ABTB2: variants seen among roughly 807,000 people sequenced by gnomAD.
The protein encoded by ABTB2 is ankyrin repeat and BTB/POZ domain-containing protein 2.
ABTB2 carries 56 observed loss-of-function variants against 104.1 expected under a neutral mutation model. The ratio of observed to expected loss-of-function variants is 0.54; its 90% confidence interval spans 0.43 to 0.67. The LOEUF (loss-of-function observed/expected upper bound fraction) is 0.67. ABTB2 is among the 30% of genes least tolerant of loss of function. The pLI is 0.00. For synonymous variants in ABTB2, 606 were observed against 608.2 expected, an observed-to-expected ratio of 1.00 and a Z score of 0.05; for missense variants, 1,279 against 1,407.7, an observed-to-expected ratio of 0.91 and a Z score of 1.46.
intron 14 of ABTB2, among the ~76,000 whole-genome samples, chr11:34,156,020 G>C (rs1240652994): frequency 6.6e-6 from 1 of 152,198 alleles, no homozygotes; most frequent in East Asian, 1.9e-4. Context: ...AGGCAGGTCA[G>C]ATCTTCCTGT....
intron 1 of ABTB2, among the ~76,000 whole-genome samples, chr11:34,239,740 C>T (rs1853889961): frequency 6.6e-6 from 1 of 152,148 alleles, no homozygotes; most frequent in South Asian, 2.1e-4. Context: ...TACCACAGTA[C>T]GAGGTAAGCC....
intron 1 of ABTB2, among the ~76,000 whole-genome samples, chr11:34,278,381 T>C (rs2133085196): frequency 6.6e-6 from 1 of 152,310 alleles, no homozygotes; most frequent in Admixed American, 6.5e-5. Context: ...GCCTTGAATA[T>C]GCAAATTGCA....
intron 3 of ABTB2, among the ~76,000 whole-genome samples, chr11:34,190,799 T>A (rs1393025061): frequency 6.6e-6 from 1 of 152,152 alleles, no homozygotes; most frequent in Non-Finnish European, 1.5e-5. Flanking sequence ...TTTTAGGAAA[T>A]GTCATGCTAC....
chr11:34,267,092 G>A (rs1590234916), intron 1 of ABTB2, among the ~76,000 whole-genome samples: 1 of 152,202 alleles, frequency 6.6e-6, no homozygotes, highest in Non-Finnish European at 1.5e-5. Context: ...AATGGACTCT[G>A]TTCAGAGAAA....
Position 34,164,771 on chromosome 11 carries a change from G to A in ABTB2, c.1903C>T (p.Leu635Phe), listed in dbSNP as rs2133009618. The A allele has an allele frequency of 6.4e-7, 1 of 1,571,910 alleles. No individual in the cohort carries two copies. Among genetic ancestry groups the A allele is most frequent in the East Asian group, 2.4e-5 (1 of 41,838 alleles). The change falls in exon 9 of 17, where the codon CTC becomes TTC. Residue 635 changes from leucine (L) to phenylalanine (F), a missense_variant. Transcript: ENST00000435224. ...LLLSRGADPL[L>F]SMLEAHGMGS... is the part of the protein sequence containing the mutation. ...ATGCCGTGGGCCTCCAGCATGCTGA[G>A]GAGGGGGTCGGCGCCTCGGCTCAGC...
At chr11:34,290,384 C>T (rs1854554126) in intron 1 of ABTB2, among the ~76,000 whole-genome samples, 1 of 152,218 alleles carries the variant, frequency 6.6e-6, no homozygotes, top group Non-Finnish European at 1.5e-5. Flanking sequence ...GCAGTCCATG[C>T]CAATCCCAGT....
intron 3 of ABTB2, among the ~76,000 whole-genome samples, chr11:34,190,473 G>T (rs141300530): frequency 6.6e-6 from 1 of 152,078 alleles, no homozygotes; most frequent in Non-Finnish European, 1.5e-5. Context: ...TCTTGCTTTT[G>T]TCTCCCTCAT....
At chr11:34,270,014 C>G (rs113805280) in intron 1 of ABTB2, among the ~76,000 whole-genome samples, 110 of 152,346 alleles carry the variant, frequency 7.2e-4, no homozygotes, top group Middle Eastern at 3.4e-3. Context: ...CTGAAACTTA[C>G]GTCTTCTGGC....
Position 34,197,425 on chromosome 11 carries a change from CG to C in ABTB2, c.1143del (p.Asp382ThrfsTer28). ...RQPPQPITWS[P>X]DALHTLYYFL... The stretch of plus-strand genomic sequence containing the variant: ...AAGTAGTAGAGCGTGTGGAGGGCGT[CG>C]GGGGACCAAGTGATGGGCTGTGGCG... On this transcript the variant is annotated frameshift_variant, in exon 3 of 17. Transcript: ENST00000435224. LOFTEE classifies it high-confidence loss of function. 6.2e-7 allele frequency: 1 copy of C among 1,607,600 alleles called. No individual in the cohort carries two copies.
chr11:34,210,767 G>A (rs12271968), intron 1 of ABTB2, among the ~76,000 whole-genome samples: 27,603 of 152,094 alleles, frequency 0.18, 2,583 homozygotes, highest in East Asian at 0.27. Context: ...AAACCAGAGG[G>A]CAGAGGATTA....
At chr11:34,190,085 C>T (rs1015355783) in intron 3 of ABTB2, among the ~76,000 whole-genome samples, 1 of 151,932 alleles carries the variant, frequency 6.6e-6, no homozygotes, top group Non-Finnish European at 1.5e-5. Flanking sequence ...ACTAAAAATA[C>T]AAAAATTAGC....
chr11:34,277,744 G>A (rs902369603), intron 1 of ABTB2, among the ~76,000 whole-genome samples: 1 of 151,450 alleles, frequency 6.6e-6, no homozygotes, highest in African/African-American at 2.4e-5. Flanking sequence ...CTCCAGCCTG[G>A]GTGACAGAGC....
At chr11:34,286,773 C>T (rs1009380930) in intron 1 of ABTB2, among the ~76,000 whole-genome samples, 1 of 152,324 alleles carries the variant, frequency 6.6e-6, no homozygotes, top group Middle Eastern at 3.4e-3. Flanking sequence ...TTAGCTAGGA[C>T]TCTCAACATG....
intron 3 of ABTB2, among the ~76,000 whole-genome samples, chr11:34,187,106 G>T (rs1853110836): frequency 6.6e-6 from 1 of 152,230 alleles, no homozygotes; most frequent in Non-Finnish European, 1.5e-5. Flanking sequence ...AAATGGGAAT[G>T]TAATAGTTTC....
chr11:34,303,178 T>C (rs900205445), intron 1 of ABTB2, among the ~76,000 whole-genome samples: 1 of 152,182 alleles, frequency 6.6e-6, no homozygotes, highest in African/African-American at 2.4e-5. Context: ...GCTCACTTCA[T>C]TGGTCAAGAG....
In ABTB2 at chr11:34,166,795, C is replaced by T. The variant is rs537094298; in HGVS notation, c.1755+464G>A. On this transcript the variant is annotated intron_variant, in intron 7 of 16. Coordinates refer to ENST00000435224, the MANE Select transcript of ABTB2 (RefSeq NM_145804.3). ...GTGGGCAACCTGTGGCTTGGCTCGA[C>T]GGGTGAGCCATGCCAATCCGAAACC... Among the ~76,000 whole-genome samples, 25 of 152,316 alleles carry T rather than the reference C, an allele frequency of 1.6e-4. 2 individuals are homozygous for T. In the South Asian group the frequency reaches 3.3e-3, roughly 20 times the overall value.
intron 1 of ABTB2, among the ~76,000 whole-genome samples, chr11:34,313,684 G>A (rs1854886099): frequency 1.3e-5 from 2 of 152,244 alleles, no homozygotes; most frequent in Non-Finnish European, 2.9e-5. Flanking sequence ...GATGCCACTG[G>A]GAGGGCGCAC....
At chr11:34,176,934 C>A (rs1269755228) in intron 3 of ABTB2, among the ~76,000 whole-genome samples, 1 of 152,132 alleles carries the variant, frequency 6.6e-6, no homozygotes, top group Non-Finnish European at 1.5e-5. Flanking sequence ...ATGCCCAATT[C>A]CCCCCAAATA....
At chr11:34,297,787 A>AC (rs1251264702) in intron 1 of ABTB2, among the ~76,000 whole-genome samples, 5 of 97,536 alleles carry the variant, frequency 5.1e-5, no homozygotes, top group Admixed American at 9.6e-5. Flanking sequence ...AAAAAAAATA[A>AC]AAATAAAGGA....
Sources: gnomAD v4.1 joint callset for allele counts (sites outside exome capture counted in the v4.1 genomes callset) on GRCh38, gnomAD v4.1.1 for gene constraint, MANE v1.5 for transcripts, NCBI Gene and HGNC (gene_info 2026-07-23, HGNC 2026-07-21) for gene names.